IGF1R: variants seen among roughly 807,000 people sequenced by gnomAD.
IGF1R encodes the protein insulin-like growth factor 1 receptor.
IGF1R carries 44 observed loss-of-function variants against 144.6 expected under a neutral mutation model. That is an observed-to-expected ratio of 0.30 (90% CI 0.24 to 0.39). The LOEUF is 0.39. Among genes scored for constraint, IGF1R ranks in the 10% least tolerant of loss-of-function variants. The probability of loss-of-function intolerance (pLI) is 1.00; values close to 1 mark genes in which losing one functional copy is unlikely to be tolerated. For synonymous variants in IGF1R, 795 were observed against 722.8 expected (o/e 1.10, Z -1.60); for missense variants, 1,355 against 1,833.7 (o/e 0.74, Z 4.77).
At chr15:98,926,746 G>A in intron 13 of IGF1R, among the ~76,000 whole-genome samples, 1 of 152,184 alleles carries the variant, frequency 6.6e-6, no homozygotes, top group Non-Finnish European at 1.5e-5. Flanking sequence ...GCCTGGCACT[G>A]TTCCTGGGTT....
chr15:98,891,786 T>A lies in IGF1R; in HGVS notation c.953+149T>A. On this transcript the variant is annotated intron_variant, in intron 3 of 20. Transcript: ENST00000650285. The surrounding 1 kb of genome is among the most constrained non-coding windows in gnomAD (Gnocchi z 4.7). ...TCATTTTGAGAGGGCTGGCTTACCT[T>A]AAATGTTTGGTGAGATTCTAGGAAC... is the stretch of plus-strand genomic sequence containing the variant. The A allele has an allele frequency of 1.3e-6, 1 of 742,320 alleles. No homozygotes were observed. Among genetic ancestry groups the A allele is most frequent in the Non-Finnish European group, 2.2e-6 (1 of 444,592 alleles). The allele number at this position is 742,320 out of a possible 1,614,324, so 46.0% of individuals were successfully genotyped here.
chr15:98,947,819 C>T (rs575013550), intron 19 of IGF1R, among the ~76,000 whole-genome samples: 1 of 152,338 alleles, frequency 6.6e-6, no homozygotes, highest in Admixed American at 6.5e-5. Flanking sequence ...CTGGTCCCCC[C>T]ACCTGTGACA....
rs2052283364 is a variant in IGF1R at position 98,649,410 on chromosome 15, GGGCCCC to G, written c.-168_-163del. ...CGCCCGCCCCGTCCGCGCACCCGGA[GGGCCCC>G]GGCGGCGCCGCCTTCGGAGTATTGT... On this transcript the variant is annotated 5_prime_UTR_variant, in exon 1 of 21. Coordinates refer to ENST00000650285, the MANE Select transcript of IGF1R (RefSeq NM_000875.5). The G allele has an allele frequency of 2.5e-6, 1 of 393,834 alleles. No homozygotes were observed. Among genetic ancestry groups the G allele is most frequent in the African/African-American group, 2.1e-5 (1 of 47,384 alleles). 24.4% of individuals were successfully genotyped at this position (393,834 alleles called of 1,614,324 possible).
Position 98,963,120 on chromosome 15 carries a change from T to A in IGF1R, c.*5678T>A, listed in dbSNP as rs1389721455. 4.3e-6 allele frequency: 1 copy of A among 233,452 alleles called. No individual in the cohort carries two copies. The highest frequency in any genetic ancestry group is 8.5e-6 in the Non-Finnish European group (1 of 118,010). 14.5% of individuals were successfully genotyped at this position (233,452 alleles called of 1,614,324 possible). ...TCATTGCATTTTTGTAAGAACAGAATAATTTTATAAAATGTTTGTAGTTTA... is the reference window on the plus strand; with the variant it reads ...TCATTGCATTTTTGTAAGAACAGAAAAATTTTATAAAATGTTTGTAGTTTA... On this transcript the variant is annotated 3_prime_UTR_variant, in exon 21 of 21. Coordinates refer to ENST00000650285, the MANE Select transcript of IGF1R (RefSeq NM_000875.5).
At chr15:98,878,742 C>T (rs1437951122) in intron 2 of IGF1R, among the ~76,000 whole-genome samples, 1 of 150,000 alleles carries the variant, frequency 6.7e-6, no homozygotes, top group Non-Finnish European at 1.5e-5. Context: ...CCTATAATCC[C>T]AGCACCTTGG....
chr15:98,831,010 T>A (rs2056992782), intron 2 of IGF1R, among the ~76,000 whole-genome samples: 2 of 152,106 alleles, frequency 1.3e-5, no homozygotes, highest in African/African-American at 2.4e-5. Flanking sequence ...ACGCCAGATC[T>A]CCTGGTAGAT....
chr15:98,769,450 T>C (rs2055527118), intron 2 of IGF1R, among the ~76,000 whole-genome samples: 1 of 152,172 alleles, frequency 6.6e-6, no homozygotes, highest in Non-Finnish European at 1.5e-5. Flanking sequence ...CATCAGCTGC[T>C]CCCAGGGGCC....
chr15:98,651,518 T>A (rs372775922), intron 1 of IGF1R, among the ~76,000 whole-genome samples: 1 of 152,270 alleles, frequency 6.6e-6, no homozygotes. Flanking sequence ...CATTTTGTTA[T>A]GTTATGCAGT....
intron 18 of IGF1R, among the ~76,000 whole-genome samples, chr15:98,940,548 C>T (rs1432910563): frequency 6.6e-5 from 10 of 152,158 alleles, no homozygotes; most frequent in African/African-American, 2.2e-4. Context: ...GGATTACAGG[C>T]GCGTGCCACC....
chr15:98,939,082 T>C (rs1197618189), intron 17 of IGF1R, 119 bp from the exon 18 acceptor site: 1 of 801,442 alleles, frequency 1.2e-6, no homozygotes, highest in African/African-American at 1.7e-5. Context: ...CCTGGTTTCT[T>C]AGCATAAACA....
chr15:98,934,940 G>A lies in IGF1R; in HGVS notation c.3073G>A (p.Glu1025Lys), dbSNP rs1257485183. The stretch of plus-strand genomic sequence containing the variant: ...AGTTGCCAAGGGTGTGGTGAAAGAT[G>A]AACCTGAAACCAGAGTGGCCATTAA... ...EGVAKGVVKD[E>K]PETRVAIKTV... is the part of the protein sequence containing the mutation. Residue 1025 changes from glutamate (E) to lysine (K), a missense_variant, in exon 16 of 21, where the codon GAA becomes AAA. Around this residue, in one of 7 missense-constraint regions of IGF1R, gnomAD observed 880 missense variants for 1,202.7 expected, o/e 0.73. Transcript: ENST00000650285. 6.2e-7 allele frequency: 1 copy of A among 1,614,196 alleles called. No homozygotes were observed. The highest frequency in any genetic ancestry group is 8.5e-7 in the Non-Finnish European group (1 of 1,180,018).
At chr15:98,892,332 A>G (rs2013964780) in intron 3 of IGF1R, among the ~76,000 whole-genome samples, 1 of 151,796 alleles carries the variant, frequency 6.6e-6, no homozygotes, top group Admixed American at 6.6e-5. Context: ...TGCTTGGATC[A>G]CTTGAGGTCA....
chr15:98,959,395 C>G lies in IGF1R; in HGVS notation c.*1953C>G, dbSNP rs2017137399. 4.3e-6 allele frequency: 1 copy of G among 233,710 alleles called. No homozygotes were observed. The highest frequency in any genetic ancestry group is 5.6e-5 in the Admixed American group (1 of 17,788). 14.5% of individuals were successfully genotyped at this position (233,710 alleles called of 1,614,324 possible). A position where few individuals can be genotyped will look rare whatever the true frequency, so the allele number is the denominator to read the frequency against. On this transcript the variant is annotated 3_prime_UTR_variant, in exon 21 of 21. Transcript: ENST00000650285. ...CACCCCCCTCACCGGACCGACTGAC[C>G]TGTCTTTGGAACCAGAACATCCCAA...
At chr15:98,741,810 CTG>C (rs2141316695) in intron 2 of IGF1R, among the ~76,000 whole-genome samples, 1 of 152,346 alleles carries the variant, frequency 6.6e-6, no homozygotes, top group African/African-American at 2.4e-5. Context: ...AGGCATGTCT[CTG>C]TTTTTCTCCT....
At chr15:98,950,530 T>C (rs569816673) in intron 20 of IGF1R, among the ~76,000 whole-genome samples, 40 of 152,360 alleles carry the variant, frequency 2.6e-4, no homozygotes, top group Non-Finnish European at 5.1e-4. Context: ...TGGGGACTGC[T>C]TTCAACTCTT....
chr15:98,734,194 G>A (rs983022869), intron 2 of IGF1R, among the ~76,000 whole-genome samples: 6 of 152,140 alleles, frequency 3.9e-5, no homozygotes, highest in African/African-American at 1.4e-4. Context: ...TGGGAAGATC[G>A]CTCAGGCTTT....
chr15:98,733,357 A>G (rs2054538354), intron 2 of IGF1R, among the ~76,000 whole-genome samples: 1 of 151,914 alleles, frequency 6.6e-6, no homozygotes, highest in South Asian at 2.1e-4. Context: ...CGTGGTTGGG[A>G]CTATAGGTGC....
intron 1 of IGF1R, among the ~76,000 whole-genome samples, chr15:98,666,801 A>G (rs528449416): frequency 6.6e-6 from 1 of 152,354 alleles, no homozygotes; most frequent in East Asian, 1.9e-4. Context: ...GGGAACATGT[A>G]AAAGTTCTAG....
intron 20 of IGF1R, among the ~76,000 whole-genome samples, chr15:98,949,833 C>T (rs549295065): frequency 3.2e-4 from 49 of 152,204 alleles, no homozygotes; most frequent in Admixed American, 2.9e-3. Context: ...TGTCCGTGGA[C>T]GGTGCTGTTT....
Sources: allele counts gnomAD v4.1 joint callset (sites outside exome capture counted in the v4.1 genomes callset), GRCh38; gene constraint gnomAD v4.1.1; regional missense constraint gnomAD v4.1.1; non-coding constraint Gnocchi (gnomAD v3.1); transcripts MANE v1.5; gene names NCBI Gene and HGNC (gene_info 2026-07-23, HGNC 2026-07-21).